MAST4: variants seen among roughly 807,000 people sequenced by gnomAD.
The protein encoded by MAST4 is microtubule-associated serine/threonine-protein kinase 4.
MAST4 carries 89 observed loss-of-function variants against 162.7 expected under a neutral mutation model. The observed-to-expected ratio is 0.55, with a 90% CI of 0.46 to 0.65. The LOEUF (loss-of-function observed/expected upper bound fraction) is 0.65. MAST4 is among the 30% of genes least tolerant of loss of function. MAST4 has a pLI of 0.00. For missense variants in MAST4, 3,153 were observed against 3,374.0 expected (o/e 0.93, Z 1.62); for synonymous variants, 1,479 against 1,361.1 (o/e 1.09, Z -1.91).
Position 67,054,474 on chromosome 5 carries a change from C to T in MAST4, c.745C>T (p.Pro249Ser), listed in dbSNP as rs776705212. ...QSPALPRPHS[P>S]LSAHAGNSPQ... ...ACCAGCATTGCCTCGACCACACTCACCTCTCTCTGCTCATGCAGGTAATTG... is the reference window on the plus strand; with the variant it reads ...ACCAGCATTGCCTCGACCACACTCATCTCTCTCTGCTCATGCAGGTAATTG... The change falls in exon 5 of 29, where the codon CCT becomes TCT. Residue 249 changes from proline (P) to serine (S), a missense_variant. Coordinates refer to ENST00000403625, the MANE Select transcript of MAST4 (RefSeq NM_001164664.2). The T allele has an allele frequency of 6.2e-7, 1 of 1,610,152 alleles. No homozygotes were observed. Among genetic ancestry groups the T allele is most frequent in the Non-Finnish European group, 8.5e-7 (1 of 1,178,278 alleles).
intron 1 of MAST4, among the ~76,000 whole-genome samples, chr5:66,599,078 A>G (rs1742386475): frequency 6.6e-6 from 1 of 152,226 alleles, no homozygotes; most frequent in African/African-American, 2.4e-5. Flanking sequence ...GATGCTGGAA[A>G]TTTCCCAGGA....
chr5:67,110,225 A>G (rs773084141), intron 11 of MAST4, 26 bp downstream of exon 11: 13 of 1,507,796 alleles, frequency 8.6e-6, no homozygotes, highest in Admixed American at 1.7e-5. Context: ...ATGTGACTAC[A>G]TTATTTATTG....
rs1437497248 is a variant in MAST4, at chr5:67,167,262, TACA to T, written c.*213_*215del. 7.3e-5 allele frequency: 8 copies of T among 109,568 alleles called. No individual in the cohort carries two copies. Among genetic ancestry groups the T allele is most frequent in the Non-Finnish European group, 1.0e-4 (7 of 66,760 alleles). The allele number at this position is 109,568 out of a possible 1,614,324, so 6.8% of individuals were successfully genotyped here. On this transcript the variant is annotated 3_prime_UTR_variant, in exon 29 of 29. Transcript: ENST00000403625. The stretch of plus-strand genomic sequence containing the variant: ...TAAAACTGTTACCAGATAGTGTTTG[TACA>T]AAAAAAAAAAAAAAAAAAAAAAAAA...
At chr5:66,719,473 T>G (rs1334240776) in intron 1 of MAST4, among the ~76,000 whole-genome samples, 1 of 152,236 alleles carries the variant, frequency 6.6e-6, no homozygotes, top group African/African-American at 2.4e-5. Context: ...TATACATTAT[T>G]GTAAATTGTT....
intron 4 of MAST4, among the ~76,000 whole-genome samples, chr5:67,051,427 A>G (rs1000230069): frequency 3.3e-5 from 5 of 152,158 alleles, no homozygotes; most frequent in Non-Finnish European, 5.9e-5. Flanking sequence ...CACCAATGTT[A>G]TTATTAATGT....
intron 12 of MAST4, among the ~76,000 whole-genome samples, chr5:67,116,979 C>T (rs1454231493): frequency 6.6e-6 from 1 of 152,180 alleles, no homozygotes; most frequent in African/African-American, 2.4e-5. Context: ...GCACTGCATG[C>T]TGTGTGAACC....
At chr5:67,005,373 G>A (rs1017048175) in intron 4 of MAST4, among the ~76,000 whole-genome samples, 1 of 152,134 alleles carries the variant, frequency 6.6e-6, no homozygotes, top group Non-Finnish European at 1.5e-5. Flanking sequence ...AAGAGGAGGA[G>A]ATACTTTGTC....
chr5:66,995,654 G>C (rs1215682782), intron 4 of MAST4, among the ~76,000 whole-genome samples: 1 of 152,068 alleles, frequency 6.6e-6, no homozygotes, highest in African/African-American at 2.4e-5. Flanking sequence ...ACCTGCCTCG[G>C]CCTCCCAAAG....
At chr5:66,643,133 CATT>C (rs1309210126) in intron 1 of MAST4, among the ~76,000 whole-genome samples, 1 of 152,088 alleles carries the variant, frequency 6.6e-6, no homozygotes, top group Non-Finnish European at 1.5e-5. Context: ...AGTTATCTGA[CATT>C]ATAGAATTAA....
chr5:66,664,208 G>A (rs893935791), intron 1 of MAST4, among the ~76,000 whole-genome samples: 1 of 152,044 alleles, frequency 6.6e-6, no homozygotes, highest in South Asian at 2.1e-4. Flanking sequence ...GGCCAAGACA[G>A]GTGAATCACC....
At chr5:67,089,870 A>G (rs965125066) in intron 5 of MAST4, among the ~76,000 whole-genome samples, 1 of 152,150 alleles carries the variant, frequency 6.6e-6, no homozygotes, top group African/African-American at 2.4e-5. Flanking sequence ...TATCAGATTG[A>G]AATATTTGTA....
chr5:66,720,746 A>G (rs893907019), intron 1 of MAST4, among the ~76,000 whole-genome samples: 6 of 152,010 alleles, frequency 3.9e-5, no homozygotes, highest in Admixed American at 3.3e-4. Context: ...TTTATTTGGC[A>G]GGGGTTTTTT....
At chr5:67,079,061 G>A (rs1248406380) in intron 5 of MAST4, among the ~76,000 whole-genome samples, 2 of 148,558 alleles carry the variant, frequency 1.3e-5, no homozygotes, top group African/African-American at 2.5e-5. Flanking sequence ...TCAGTGCAGT[G>A]TCTTTGGAGA....
intron 4 of MAST4, among the ~76,000 whole-genome samples, chr5:66,950,078 C>T (rs937596576): frequency 6.6e-6 from 1 of 152,048 alleles, no homozygotes; most frequent in Non-Finnish European, 1.5e-5. Context: ...TAGAACTCCC[C>T]TTTGAAAATC....
intron 3 of MAST4, among the ~76,000 whole-genome samples, chr5:66,841,446 T>C (rs991911398): frequency 2.0e-5 from 3 of 152,180 alleles, no homozygotes; most frequent in Non-Finnish European, 4.4e-5. Context: ...TGGCATAGAC[T>C]GTGTGGTGTG....
chr5:67,125,178 T>G (rs1768066386), intron 14 of MAST4, among the ~76,000 whole-genome samples: 1 of 152,178 alleles, frequency 6.6e-6, no homozygotes, highest in Admixed American at 6.5e-5. Flanking sequence ...GGTTTCTCCC[T>G]GTCAGTATTT....
chr5:66,609,392 C>CTTTTTTTTTT (rs373893029), intron 1 of MAST4, among the ~76,000 whole-genome samples: 5 of 128,606 alleles, frequency 3.9e-5, no homozygotes, highest in African/African-American at 1.5e-4. Context: ...CAATGCACTA[C>CTTTTTTTTTT]TTTTTTTTTT....
At chr5:66,619,992 C>T (rs1743965976) in intron 1 of MAST4, among the ~76,000 whole-genome samples, 1 of 147,188 alleles carries the variant, frequency 6.8e-6, no homozygotes, top group African/African-American at 2.5e-5. Flanking sequence ...ATATATTATA[C>T]CAGAATTTTA....
intron 19 of MAST4, among the ~76,000 whole-genome samples, chr5:67,137,989 A>G (rs1430823239): frequency 6.6e-6 from 1 of 152,204 alleles, no homozygotes; most frequent in Non-Finnish European, 1.5e-5. Flanking sequence ...TCACTAGAGC[A>G]CCTTGTGTCT....
Sources: gnomAD v4.1 joint callset for allele counts (sites outside exome capture counted in the v4.1 genomes callset) on GRCh38, gnomAD v4.1.1 for gene constraint, MANE v1.5 for transcripts, NCBI Gene and HGNC (gene_info 2026-07-23, HGNC 2026-07-21) for gene names.